Variants in NLGN4X observed in about 807,000 individuals in gnomAD.
NLGN4X encodes the protein neuroligin-4, X-linked.
A neutral mutation model predicts 40.3 loss-of-function variants in NLGN4X; 3 were observed. The observed-to-expected ratio is 0.07, with a 90% CI of 0.03 to 0.19. The LOEUF is 0.19. Among genes scored for constraint, NLGN4X ranks in the 10% least tolerant of loss-of-function variants. NLGN4X has a pLI of 1.00. For synonymous variants in NLGN4X, 270 were observed against 306.8 expected (o/e 0.88, Z 1.25); for missense variants, 382 against 708.3 (o/e 0.54, Z 5.23).
intron 2 of NLGN4X, among the ~76,000 whole-genome samples, chrX:6,088,461 A>G (rs1296531932): frequency 2.7e-5 from 3 of 112,015 alleles, no homozygotes; most frequent in Non-Finnish European, 5.6e-5. Flanking sequence ...CAGTAACAGC[A>G]GTTTGTAACA....
Position 6,000,932 on chromosome X carries a change from G to A in NLGN4X, c.625+28348C>T, listed in dbSNP as rs2035955950. On this transcript the variant is annotated intron_variant, in intron 3 of 5. Transcript: ENST00000381095. ...CTATTAAAGACATACCCGAGAGTGG[G>A]TAATGTATAAAGGAAAAAAGTTTGA... Among the ~76,000 whole-genome samples, 5 of 111,627 alleles carry A rather than the reference G, an allele frequency of 4.5e-5. No individual in the cohort carries two copies. In the Admixed American group the frequency reaches 4.8e-4, roughly 11 times the overall value.
intron 2 of NLGN4X, 67 bp downstream of exon 2, chrX:6,150,927 AC>A: frequency 2.2e-6 from 2 of 901,463 alleles, no homozygotes; most frequent in Admixed American, 2.2e-5. Flanking sequence ...ACATTATAAA[AC>A]CCTCCTAGCA....
intron 2 of NLGN4X, among the ~76,000 whole-genome samples, chrX:6,126,986 G>T (rs1023967853): frequency 3.5e-5 from 2 of 56,972 alleles, no homozygotes; most frequent in Non-Finnish European, 6.5e-5. Context: ...ACTATTTTGT[G>T]GGGGGAGGAG....
chrX:6,087,262 C>CT (rs753203846), intron 2 of NLGN4X, among the ~76,000 whole-genome samples: 1 of 111,265 alleles, frequency 9.0e-6, no homozygotes, highest in African/African-American at 3.3e-5. Flanking sequence ...TATTTTTTGA[C>CT]TTTTTTTAAT....
At chrX:5,990,051 G>T (rs1465199020) in intron 3 of NLGN4X, among the ~76,000 whole-genome samples, 1 of 101,291 alleles carries the variant, frequency 9.9e-6, no homozygotes, top group East Asian at 3.2e-4. Flanking sequence ...TTGGTTGGGG[G>T]GATTACATAT....
chrX:6,141,783 C>T (rs2039952614), intron 2 of NLGN4X, among the ~76,000 whole-genome samples: 1 of 111,080 alleles, frequency 9.0e-6, no homozygotes, highest in Non-Finnish European at 1.9e-5. Context: ...CATACCACTG[C>T]ACTCCAGCCT....
intron 2 of NLGN4X, among the ~76,000 whole-genome samples, chrX:6,070,910 C>A (rs1295391425): frequency 9.0e-6 from 1 of 111,587 alleles, no homozygotes; most frequent in Non-Finnish European, 1.9e-5. Context: ...AGGGAGACCA[C>A]CCCCATGATC....
intron 3 of NLGN4X, among the ~76,000 whole-genome samples, chrX:5,962,934 C>G (rs933694110): frequency 1.8e-4 from 17 of 92,324 alleles, no homozygotes; most frequent in Admixed American, 2.3e-4. Context: ...ATTACCCCCC[C>G]CCACCCCCAC....
chrX:5,952,837 T>G (rs775694138), intron 3 of NLGN4X, among the ~76,000 whole-genome samples: 1 of 110,708 alleles, frequency 9.0e-6, no homozygotes, highest in Non-Finnish European at 1.9e-5. Flanking sequence ...CGCAGTAAAA[T>G]TGTACATGTC....
At chrX:6,120,011 A>G (rs1370388177) in intron 2 of NLGN4X, among the ~76,000 whole-genome samples, 1 of 111,542 alleles carries the variant, frequency 9.0e-6, no homozygotes, top group Non-Finnish European at 1.9e-5. Context: ...GAAAATTGCT[A>G]CGTAATCACA....
At chrX:6,026,665 G>A (rs2036702975) in intron 3 of NLGN4X, among the ~76,000 whole-genome samples, 1 of 111,456 alleles carries the variant, frequency 9.0e-6, no homozygotes, top group Non-Finnish European at 1.9e-5. Context: ...GGTCTGTAGT[G>A]TGCTTGGCTG....
chrX:6,090,872 T>C (rs1444183261), intron 2 of NLGN4X, among the ~76,000 whole-genome samples: 1 of 111,934 alleles, frequency 8.9e-6, no homozygotes, highest in Non-Finnish European at 1.9e-5. Flanking sequence ...CTACAATGCA[T>C]AGGACACCTC....
chrX:6,208,117 T>C (rs1346870445), intron 1 of NLGN4X, among the ~76,000 whole-genome samples: 2 of 112,100 alleles, frequency 1.8e-5, no homozygotes, highest in Non-Finnish European at 3.8e-5. Context: ...GGTGTTCCCA[T>C]TGATGTTAAT....
chrX:5,936,623 G>A (rs1316834566), intron 3 of NLGN4X, among the ~76,000 whole-genome samples: 2 of 111,931 alleles, frequency 1.8e-5, no homozygotes, highest in South Asian at 3.7e-4. Flanking sequence ...GAGTTCTGAT[G>A]TATTGGCTAT....
At chrX:6,166,137 C>T (rs1043648098) in intron 1 of NLGN4X, among the ~76,000 whole-genome samples, 2 of 112,614 alleles carry the variant, frequency 1.8e-5, no homozygotes, top group African/African-American at 3.2e-5. Flanking sequence ...ATACTGTTTA[C>T]GCTTATTGTA....
chrX:5,973,637 A>G (rs750968787), intron 3 of NLGN4X, among the ~76,000 whole-genome samples: 38 of 111,391 alleles, frequency 3.4e-4, no homozygotes, highest in Middle Eastern at 9.3e-3. Context: ...CCTGGCTACC[A>G]CGGCGAAACC....
At chrX:5,896,214 G>T (rs1427430216) in intron 5 of NLGN4X, among the ~76,000 whole-genome samples, 1 of 111,724 alleles carries the variant, frequency 9.0e-6, no homozygotes, top group Non-Finnish European at 1.9e-5. Context: ...GAAAGGTAAA[G>T]AAAACACATT....
At chrX:6,063,572 T>C (rs995638783) in intron 2 of NLGN4X, among the ~76,000 whole-genome samples, 2 of 112,212 alleles carry the variant, frequency 1.8e-5, no homozygotes, top group African/African-American at 6.5e-5. Flanking sequence ...TTTATTTATT[T>C]TGTACATGGA....
chrX:6,012,537 G>C (rs183584521), intron 3 of NLGN4X, among the ~76,000 whole-genome samples: 1 of 111,733 alleles, frequency 8.9e-6, no homozygotes, highest in African/African-American at 3.3e-5. Context: ...ATAATGATGT[G>C]TTGGGTGGAG....
Sources: gnomAD v4.1 joint callset for allele counts (sites outside exome capture counted in the v4.1 genomes callset) on GRCh38, gnomAD v4.1.1 for gene constraint, MANE v1.5 for transcripts, NCBI Gene and HGNC (gene_info 2026-07-23, HGNC 2026-07-21) for gene names.